Variants in PPP1R12C observed in about 807,000 individuals in gnomAD.
PPP1R12C encodes leukocyte receptor cluster (LRC) encoded novel gene 3.
Under a neutral mutation model 95.6 loss-of-function variants are expected in PPP1R12C, and 48 were observed. The ratio of observed to expected loss-of-function variants is 0.50; its 90% CI spans 0.40 to 0.64. The LOEUF (loss-of-function observed/expected upper bound fraction) is 0.64. PPP1R12C is among the 30% of genes least tolerant of loss of function. PPP1R12C has a pLI of 0.00. For missense variants in PPP1R12C, 1,057 were observed against 1,083.3 expected (o/e 0.98, Z 0.34); for synonymous variants, 480 against 460.8 (o/e 1.04, Z -0.53).
Position 55,095,443 on chromosome 19 carries a change from ACCTGAGTGGAGGTC to A in PPP1R12C, c.1374_1386+1del, listed in dbSNP as rs1473763096. ...CCTGGACCCGGCCCAACCCTCACTC[ACCTGAGTGGAGGTC>A]CCTTCCAGCCAGGAGGAGGAAGCCG... On this transcript the variant is annotated splice_donor_variant and coding_sequence_variant, in exon 10 of 22. Transcript: ENST00000263433. LOFTEE classifies it high-confidence loss of function. 1 of 1,560,648 alleles carries A rather than the reference ACCTGAGTGGAGGTC, an allele frequency of 6.4e-7. No homozygotes were observed. The highest frequency in any genetic ancestry group is 8.7e-7 in the Non-Finnish European group (1 of 1,152,742).
At chr19:55,113,614 G>A in intron 1 of PPP1R12C, 1 of 1,283,186 alleles carries the variant, frequency 7.8e-7, no homozygotes, top group Admixed American at 4.0e-5. Flanking sequence ...AGCTGAGGAA[G>A]GAGTGAAGCT....
intron 4 of PPP1R12C, among the ~76,000 whole-genome samples, chr19:55,101,567 G>C (rs549291004): frequency 6.6e-6 from 1 of 152,336 alleles, no homozygotes; most frequent in African/African-American, 2.4e-5. Context: ...ATGGATGTTT[G>C]CTCCTTTGCC....
chr19:55,107,650 T>C (rs2085052750), intron 3 of PPP1R12C, among the ~76,000 whole-genome samples: 1 of 132,546 alleles, frequency 7.5e-6, no homozygotes, highest in Non-Finnish European at 1.5e-5. Context: ...AAATGAACAA[T>C]GAGAACACTT....
chr19:55,105,183 G>A (rs1056409562), intron 3 of PPP1R12C, among the ~76,000 whole-genome samples: 2 of 151,632 alleles, frequency 1.3e-5, no homozygotes, highest in Non-Finnish European at 2.9e-5. Flanking sequence ...CTCCTGCCTT[G>A]GCCTCCCAAA....
chr19:55,092,447 T>G lies in PPP1R12C; in HGVS notation c.2050A>C (p.Arg684=), dbSNP rs1414877984. ...ACGGAGGGGTGGGATCGCACCGTCCTAAAGCCTCCGTCTGGCTCTTCCGAT... is the reference window on the plus strand; with the variant it reads ...ACGGAGGGGTGGGATCGCACCGTCCGAAAGCCTCCGTCTGGCTCTTCCGAT... ...PESEEPDGGF[R]TLYAELRREN... is the part of the protein sequence containing the mutation. Residue 684 remains arginine, a synonymous_variant, in exon 18 of 22, where the codon AGG becomes CGG. Transcript: ENST00000263433. The G allele has an allele frequency of 6.2e-7, 1 of 1,607,580 alleles. No homozygotes were observed. The highest frequency in any genetic ancestry group is 8.5e-7 in the Non-Finnish European group (1 of 1,177,556).
At chr19:55,116,454 G>A (rs2085154850) in intron 1 of PPP1R12C, among the ~76,000 whole-genome samples, 1 of 152,044 alleles carries the variant, frequency 6.6e-6, no homozygotes. Context: ...GAGGAAGACG[G>A]AACCTGAAGG....
At chr19:55,092,586 C>T (rs2084858110) in intron 17 of PPP1R12C, 36 bp downstream of exon 17, 12 of 1,555,442 alleles carry the variant, frequency 7.7e-6, no homozygotes, top group African/African-American at 1.4e-5. Context: ...CGGCCCGGCC[C>T]GCACGCAGAC....
At chr19:55,104,274 C>T (rs930886203) in intron 3 of PPP1R12C, among the ~76,000 whole-genome samples, 2 of 141,008 alleles carry the variant, frequency 1.4e-5, no homozygotes, top group African/African-American at 5.3e-5. Flanking sequence ...CATATATATG[C>T]ATCTCCTATA....
At chr19:55,113,084 C>T in intron 1 of PPP1R12C, 1 of 555,714 alleles carries the variant, frequency 1.8e-6, no homozygotes, top group Non-Finnish European at 3.2e-6. Flanking sequence ...GTGCGGGAAC[C>T]CCACATGGTA....
chr19:55,101,658 T>C (rs1035555409), intron 4 of PPP1R12C, among the ~76,000 whole-genome samples: 4 of 151,672 alleles, frequency 2.6e-5, no homozygotes, highest in Admixed American at 2.0e-4. Context: ...GTGGAAGCCG[T>C]GGGAGGAAAA....
chr19:55,098,663 AAT>A, intron 6 of PPP1R12C, 119 bp downstream of exon 6: 4 of 1,246,634 alleles, frequency 3.2e-6, no homozygotes, highest in Non-Finnish European at 4.6e-6. Context: ...CCAAGAGGGA[AAT>A]AGCAGGTCGC....
chr19:55,113,333 T>C, intron 1 of PPP1R12C: 2 of 1,267,128 alleles, frequency 1.6e-6, no homozygotes, highest in Non-Finnish European at 1.0e-6. Flanking sequence ...GGCCACCCTG[T>C]GCTGGGACAG....
intron 1 of PPP1R12C, chr19:55,115,129 C>G (rs1281070955): frequency 1.3e-5 from 2 of 152,196 alleles, no homozygotes; most frequent in East Asian, 3.9e-4. Context: ...ACTGGGGACT[C>G]TTTAAGGAAA....
chr19:55,091,395 C>A lies in PPP1R12C; in HGVS notation c.*77G>T. On this transcript the variant is annotated 3_prime_UTR_variant, in exon 22 of 22. Coordinates refer to ENST00000263433, the MANE Select transcript of PPP1R12C (RefSeq NM_017607.4). ...TGAGACTTCCCCCGGAGCCCTGTCACTCGTGTTCACACGGGGGAAGGGGTG... is the reference window on the plus strand; with the variant it reads ...TGAGACTTCCCCCGGAGCCCTGTCAATCGTGTTCACACGGGGGAAGGGGTG... 7.1e-7 allele frequency: 1 copy of A among 1,407,452 alleles called. No homozygotes were observed. Among genetic ancestry groups the A allele is most frequent in the Non-Finnish European group, 9.9e-7 (1 of 1,014,942 alleles). 87.2% of individuals were successfully genotyped at this position (1,407,452 alleles called of 1,614,324 possible).
intron 3 of PPP1R12C, among the ~76,000 whole-genome samples, chr19:55,104,327 C>A (rs2085014394): frequency 6.8e-6 from 1 of 147,486 alleles, no homozygotes; most frequent in Non-Finnish European, 1.5e-5. Context: ...TATATAAAAC[C>A]TATATATATA....
chr19:55,092,008 G>C, intron 19 of PPP1R12C, 99 bp from the exon 20 acceptor site: 1 of 1,443,720 alleles, frequency 6.9e-7, no homozygotes, highest in Non-Finnish European at 9.7e-7. Context: ...CCACTAGGCA[G>C]CCCACAAGCC....
At chr19:55,091,837 C>T (rs763719530) in intron 20 of PPP1R12C, 22 bp downstream of exon 20, 3 of 1,613,288 alleles carry the variant, frequency 1.9e-6, no homozygotes, top group Non-Finnish European at 2.5e-6. Context: ...CTCTGGCCCC[C>T]ATCCCCACTG....
At chr19:55,110,690 T>C (rs2085085968) in intron 3 of PPP1R12C, among the ~76,000 whole-genome samples, 1 of 152,080 alleles carries the variant, frequency 6.6e-6, no homozygotes, top group Admixed American at 6.5e-5. Context: ...CTGGTCAACA[T>C]GGTGAAACCC....
intron 3 of PPP1R12C, chr19:55,112,178 A>ACCCCCCCCC (rs59876929): frequency 7.6e-6 from 1 of 131,600 alleles, no homozygotes; most frequent in African/African-American, 3.0e-5. Flanking sequence ...GAGTCCCTCC[A>ACCCCCCCCC]CCCACCCACC....
Sources: allele counts gnomAD v4.1 joint callset (sites outside exome capture counted in the v4.1 genomes callset), GRCh38; gene constraint gnomAD v4.1.1; transcripts MANE v1.5; gene names NCBI Gene and HGNC (gene_info 2026-07-23, HGNC 2026-07-21).